Variants in LRRC7 observed in about 807,000 individuals in gnomAD.
LRRC7 encodes leucine-rich repeat-containing protein 7.
In LRRC7, 23 loss-of-function variants were observed where a neutral mutation model predicts 175.7. The ratio of observed to expected loss-of-function variants is 0.13; its 90% CI spans 0.09 to 0.19. LRRC7 has a LOEUF of 0.19. Ranked by LOEUF, LRRC7 falls within the 10% of genes least tolerant of loss-of-function variation. The pLI, the probability that LRRC7 is intolerant of heterozygous loss-of-function variation, is 1.00. For missense variants in LRRC7, 1,354 were observed against 1,904.7 expected (o/e 0.71, Z 5.38); for synonymous variants, 685 against 680.9 (o/e 1.01, Z -0.09).
rs1553146097 is a variant in LRRC7, at chr1:69,718,126, A to AAAAGAGAGAGAGAAAGAAAGAAAG, written c.100+39653_100+39654insGAGAGAGAAAGAAAGAAAGAAAGA. ...AAGAGAGAAAAAGAAAGAAAGAAAG[A>AAAAGAGAGAGAGAAAGAAAGAAAG]AAAGAAAGAAAGAGAGAGAAAGAAA... On this transcript the variant is annotated intron_variant, in intron 2 of 26. Coordinates refer to ENST00000651989, the MANE Select transcript of LRRC7 (RefSeq NM_001370785.2). 9.3e-5 allele frequency among the ~76,000 whole-genome samples: 3 copies of AAAAGAGAGAGAGAAAGAAAGAAAG among 32,284 alleles called. No homozygotes were observed. In the South Asian group the frequency reaches 2.9e-3, roughly 31 times the overall value. 21.2% of individuals were successfully genotyped at this position (32,284 alleles called of 152,430 possible).
intron 1 of LRRC7, among the ~76,000 whole-genome samples, chr1:69,618,047 T>C (rs1463825406): frequency 6.6e-6 from 1 of 152,070 alleles, no homozygotes; most frequent in Non-Finnish European, 1.5e-5. Flanking sequence ...AATGGGAAGA[T>C]CCCTACTACG....
intron 2 of LRRC7, among the ~76,000 whole-genome samples, chr1:69,717,825 AGAAAGAAAGAAAGAAAAAAGAAAGAAAGG>A (rs1557641090): frequency 1.7e-5 from 1 of 57,954 alleles, no homozygotes; most frequent in Non-Finnish European, 3.2e-5. Flanking sequence ...AAAGAAAGAA[AGAAAGAAAGAAAGAAAAAAGAAAGAAAGG>A]AAAGAAAGAA....
intron 8 of LRRC7, among the ~76,000 whole-genome samples, chr1:69,949,190 C>T (rs1244791): frequency 0.8 from 121,578 of 151,966 alleles, 49,428 homozygotes; most frequent in African/African-American, 0.94. Context: ...CCAGTCCCAC[C>T]CCCCAGAGGT....
intron 7 of LRRC7, among the ~76,000 whole-genome samples, chr1:69,869,852 A>G (rs534195186): frequency 6.6e-6 from 1 of 152,294 alleles, no homozygotes; most frequent in South Asian, 2.1e-4. Context: ...CCTAATAACA[A>G]TTCCTTAGGC....
chr1:69,799,268 A>T (rs1459035290), intron 4 of LRRC7, among the ~76,000 whole-genome samples: 2 of 152,224 alleles, frequency 1.3e-5, no homozygotes, highest in East Asian at 1.9e-4. Flanking sequence ...CATACAATGC[A>T]TAGTGGTAAA....
intron 1 of LRRC7, among the ~76,000 whole-genome samples, chr1:69,637,324 A>G (rs748662392): frequency 1.3e-5 from 2 of 151,976 alleles, no homozygotes; most frequent in African/African-American, 2.4e-5. Context: ...TTTTCCATAA[A>G]AAGTATTATT....
At chr1:70,082,677 T>G (rs899057827) in intron 24 of LRRC7, among the ~76,000 whole-genome samples, 3 of 151,942 alleles carry the variant, frequency 2.0e-5, no homozygotes, top group African/African-American at 4.8e-5. Context: ...AAAATGCATT[T>G]GAGTTTCTGT....
At chr1:69,906,901 G>C (rs1046112729) in intron 7 of LRRC7, among the ~76,000 whole-genome samples, 50 of 152,118 alleles carry the variant, frequency 3.3e-4, no homozygotes, top group African/African-American at 1.1e-3. Context: ...AGCATGGAAT[G>C]TTCTTCCATT....
At chr1:69,882,102 T>C (rs974753036) in intron 7 of LRRC7, among the ~76,000 whole-genome samples, 2 of 150,712 alleles carry the variant, frequency 1.3e-5, no homozygotes, top group African/African-American at 4.9e-5. Context: ...AGAAGACTTA[T>C]GAATGACAAC....
At chr1:69,665,589 G>A (rs1403984447) in intron 1 of LRRC7, among the ~76,000 whole-genome samples, 3 of 151,982 alleles carry the variant, frequency 2.0e-5, no homozygotes, top group African/African-American at 4.8e-5. Context: ...TAGCCATTGT[G>A]AATGGGATTA....
chr1:69,666,749 CA>C (rs148913955), intron 1 of LRRC7, among the ~76,000 whole-genome samples: 1,955 of 149,946 alleles, frequency 0.013, 28 homozygotes, highest in African/African-American at 0.034. Flanking sequence ...TTTGCTTTTT[CA>C]AAAAAAAATT....
rs1179113135 is a variant in LRRC7, at chr1:69,887,379, T to C, written c.648-44128T>C. On this transcript the variant is annotated intron_variant, in intron 7 of 26. Coordinates refer to ENST00000651989, the MANE Select transcript of LRRC7 (RefSeq NM_001370785.2). ...TCATTTCATTCATTTCATCTTCCAT[T>C]GCTGATACCCTTTCTTCCAGTTGAT... 5.8e-5 allele frequency among the ~76,000 whole-genome samples: 8 copies of C among 138,080 alleles called. No individual in the cohort carries two copies. In the East Asian group the frequency reaches 8.4e-4, roughly 14 times the overall value. 90.6% of individuals were successfully genotyped at this position (138,080 alleles called of 152,430 possible).
intron 1 of LRRC7, among the ~76,000 whole-genome samples, chr1:69,649,852 G>GAA (rs35032125): frequency 0.077 from 11,374 of 147,012 alleles, 572 homozygotes; most frequent in African/African-American, 0.15. Flanking sequence ...CAAAGTGATT[G>GAA]AAAAAAAAAA....
At chr1:69,879,227 A>AAAC (rs2101605805) in intron 7 of LRRC7, among the ~76,000 whole-genome samples, 1 of 148,336 alleles carries the variant, frequency 6.7e-6, no homozygotes, top group East Asian at 2.0e-4. Context: ...AAAAAAAAAA[A>AAAC]AAAAAAAAAG....
intron 8 of LRRC7, among the ~76,000 whole-genome samples, chr1:69,952,628 A>G (rs565852742): frequency 1.5e-4 from 23 of 152,176 alleles, no homozygotes; most frequent in African/African-American, 5.5e-4. Context: ...ATTTAAGAAA[A>G]TGTTTACAGT....
At chr1:69,931,675 T>TA in intron 8 of LRRC7, 105 bp downstream of exon 8, 1 of 904,200 alleles carries the variant, frequency 1.1e-6, no homozygotes, top group Non-Finnish European at 1.7e-6. Context: ...CGTTTGCATT[T>TA]GCTAAATGTA....
intron 7 of LRRC7, among the ~76,000 whole-genome samples, chr1:69,866,482 G>A (rs1684960265): frequency 6.6e-6 from 1 of 152,194 alleles, no homozygotes; most frequent in Admixed American, 6.5e-5. Flanking sequence ...TTGGAAGTTA[G>A]AATCTGATGG....
intron 7 of LRRC7, among the ~76,000 whole-genome samples, chr1:69,905,420 A>T (rs2101680825): frequency 6.6e-6 from 1 of 151,654 alleles, no homozygotes; most frequent in Non-Finnish European, 1.5e-5. Flanking sequence ...CCACCACCCC[A>T]CAACAGTCCC....
chr1:69,939,009 A>C lies in LRRC7; in HGVS notation c.711+7439A>C, dbSNP rs540197929. On this transcript the variant is annotated intron_variant, in intron 8 of 26. Coordinates refer to ENST00000651989, the MANE Select transcript of LRRC7 (RefSeq NM_001370785.2). ...AAGGCTGTAGATTATATATATATATATATATCTATATATATATATATCTAT... is the reference window on the plus strand; with the variant it reads ...AAGGCTGTAGATTATATATATATATCTATATCTATATATATATATATCTAT... 1.1e-3 allele frequency among the ~76,000 whole-genome samples: 106 copies of C among 94,662 alleles called. 2 individuals carry two copies. The highest frequency in any genetic ancestry group is 5.3e-3 in the Middle Eastern group (1 of 190). 62.1% of individuals were successfully genotyped at this position (94,662 alleles called of 152,430 possible).
Sources: allele counts gnomAD v4.1 joint callset (sites outside exome capture counted in the v4.1 genomes callset), GRCh38; gene constraint gnomAD v4.1.1; transcripts MANE v1.5; gene names NCBI Gene and HGNC (gene_info 2026-07-23, HGNC 2026-07-21).